Variants in CIT observed in about 807,000 individuals in gnomAD.
CIT encodes the protein citron Rho-interacting kinase.
In CIT, 79 loss-of-function variants were observed where a neutral mutation model predicts 272.7. The observed-to-expected ratio is 0.29, with a 90% CI of 0.24 to 0.35. The LOEUF (loss-of-function observed/expected upper bound fraction) is 0.35. Ranked by LOEUF, CIT falls within the 10% of genes least tolerant of loss-of-function variation. The pLI is 1.00. For missense variants in CIT, 1,909 were observed against 2,618.3 expected, an observed-to-expected ratio of 0.73 and a Z score of 5.91; for synonymous variants, 948 against 995.6, an observed-to-expected ratio of 0.95 and a Z score of 0.90.
At chr12:119,740,380 A>C (rs1958999422) in intron 24 of CIT, among the ~76,000 whole-genome samples, 1 of 152,188 alleles carries the variant, frequency 6.6e-6, no homozygotes, top group African/African-American at 2.4e-5. Flanking sequence ...AATACAATAA[A>C]TATTTTGTTT....
At chr12:119,844,021 C>CTTT (rs113598683) in intron 5 of CIT, among the ~76,000 whole-genome samples, 1 of 134,658 alleles carries the variant, frequency 7.4e-6, no homozygotes, top group Non-Finnish European at 1.6e-5. Context: ...GGTACACACA[C>CTTT]TTTTTTTTTT....
intron 5 of CIT, among the ~76,000 whole-genome samples, chr12:119,834,691 C>T (rs1968875284): frequency 6.6e-6 from 1 of 152,220 alleles, no homozygotes; most frequent in Admixed American, 6.5e-5. Context: ...AGGCAACTGA[C>T]AGCCTCTATT....
In CIT at chr12:119,757,459, C is replaced by T. The variant is rs757634863; in HGVS notation, c.2618G>A (p.Arg873Gln). Residue 873 changes from arginine (R) to glutamine (Q), a missense_variant, in exon 22 of 48, where the codon CGA becomes CAA. Physicochemically the swap from Arg to Gln is conservative, Grantham distance 43 (BLOSUM62 1). Around this residue, in one of 8 missense-constraint regions of CIT, gnomAD observed 530 missense variants for 822.4 expected, o/e 0.64. Transcript: ENST00000392521. ...TQAGKLEAQN[R>Q]KLEEQLEKIS... Reference sequence around the variant, plus strand: ...CTTCTCCAGCTGCTCCTCCAGTTTTCGGTTCTGGGCCTCCAACTTCCCAGC... The same window carrying T: ...CTTCTCCAGCTGCTCCTCCAGTTTTTGGTTCTGGGCCTCCAACTTCCCAGC... 6.2e-6 allele frequency: 10 copies of T among 1,614,168 alleles called. 1 individual carries two copies. Among genetic ancestry groups the T allele is most frequent in the South Asian group, 3.3e-5 (3 of 91,070 alleles).
chr12:119,787,418 A>C (rs1964887757), intron 10 of CIT, among the ~76,000 whole-genome samples: 1 of 139,414 alleles, frequency 7.2e-6, no homozygotes, highest in Non-Finnish European at 1.5e-5. Context: ...GTAACACAGC[A>C]AGACCTTGTC....
At chr12:119,773,031 A>T in intron 16 of CIT, 121 bp from the exon 17 acceptor site, 1 of 932,922 alleles carries the variant, frequency 1.1e-6, no homozygotes, top group Non-Finnish European at 1.5e-6. Flanking sequence ...AAAAAAAAAA[A>T]GATAGTGACA....
intron 9 of CIT, among the ~76,000 whole-genome samples, chr12:119,818,408 C>T (rs577182874): frequency 1.3e-5 from 2 of 152,296 alleles, no homozygotes; most frequent in Admixed American, 6.5e-5. Flanking sequence ...AATCCCTATC[C>T]CCCAAACCAA....
At chr12:119,868,398 C>CG (rs1797078966) in intron 3 of CIT, among the ~76,000 whole-genome samples, 1 of 151,882 alleles carries the variant, frequency 6.6e-6, no homozygotes, top group African/African-American at 2.4e-5. Context: ...TCCTAAGCAC[C>CG]GTGCCTACTC....
At chr12:119,779,035 C>T (rs1186886400) in intron 13 of CIT, among the ~76,000 whole-genome samples, 2 of 152,100 alleles carry the variant, frequency 1.3e-5, no homozygotes, top group Non-Finnish European at 2.9e-5. Flanking sequence ...GCCTGGCCAA[C>T]ATAGTGAAAC....
intron 2 of CIT, among the ~76,000 whole-genome samples, chr12:119,872,412 C>G (rs951998393): frequency 2.6e-5 from 4 of 152,084 alleles, no homozygotes; most frequent in Non-Finnish European, 5.9e-5. Context: ...GAATGGAAAA[C>G]AAAATTGCTA....
chr12:119,717,904 C>G (rs963320265), intron 32 of CIT, among the ~76,000 whole-genome samples: 10 of 132,238 alleles, frequency 7.6e-5, no homozygotes, highest in African/African-American at 2.9e-4. Context: ...TGCAATGGCG[C>G]AATCTCGGCT....
At chr12:119,724,866 G>A (rs1593485824) in intron 28 of CIT, among the ~76,000 whole-genome samples, 1 of 141,320 alleles carries the variant, frequency 7.1e-6, no homozygotes, top group Admixed American at 7.9e-5. Flanking sequence ...AACCCGGGAG[G>A]CAGAGCTTGC....
Position 119,785,073 on chromosome 12 carries a change from G to A in CIT, c.1296-8C>T, listed in dbSNP as rs758475853. The A allele has an allele frequency of 1.9e-6, 3 of 1,612,860 alleles. No homozygotes were observed. Among genetic ancestry groups the A allele is most frequent in the South Asian group, 2.2e-5 (2 of 90,778 alleles). On this transcript the variant is annotated splice_region_variant and splice_polypyrimidine_tract_variant and intron_variant, in intron 10 of 47. Coordinates refer to ENST00000392521, the MANE Select transcript of CIT (RefSeq NM_001206999.2). ...AGACCCGACACAACAGACCTAGGTA[G>A]AGAAAAACCAACGTCAAGGGGGCCT...
chr12:119,705,416 T>C (rs1470310375), intron 40 of CIT, among the ~76,000 whole-genome samples: 2 of 151,900 alleles, frequency 1.3e-5, no homozygotes, highest in East Asian at 3.9e-4. Context: ...GCTGGTACAG[T>C]GGGAGAATGA....
Position 119,834,101 on chromosome 12 carries a change from A to C in CIT, c.644T>G (p.Met215Arg), listed in dbSNP as rs1968834418. The change falls in exon 6 of 48, where the codon ATG becomes AGG. Residue 215 changes from methionine to arginine, a missense_variant. This residue lies in a region of CIT where 529 missense variants were observed against 549.6 expected (regional missense o/e 0.96). Transcript: ENST00000392521. ...TCTCACTTACCGATGCACGTATCCC[A>C]TCAGATGAACGCTGTGAACAGCCAA... ...LILAVHSVHL[M>R]GYVHRDIKPE... 6.2e-7 allele frequency: 1 copy of C among 1,612,556 alleles called. No homozygotes were observed. The highest frequency in any genetic ancestry group is 8.5e-7 in the Non-Finnish European group (1 of 1,179,644).
rs546520444 is a variant in CIT, at chr12:119,717,834, C to CTTTTTTTTTTTTTTTTT, written c.4168+410_4168+411insAAAAAAAAAAAAAAAAA. ...GGATGGGGAGCCAGGAGACTGACTT[C>CTTTTTTTTTTTTTTTTT]TTTCTTTTTTTTTTTTTTTTTTTTG... On this transcript the variant is annotated intron_variant, in intron 32 of 47. Coordinates refer to ENST00000392521, the MANE Select transcript of CIT (RefSeq NM_001206999.2). Among the ~76,000 whole-genome samples the CTTTTTTTTTTTTTTTTT allele has an allele frequency of 1.1e-3, 78 of 70,190 alleles. 2 individuals carry two copies. Among genetic ancestry groups the CTTTTTTTTTTTTTTTTT allele is most frequent in the African/African-American group, 2.7e-3 (55 of 20,096 alleles). 46.0% of individuals were successfully genotyped at this position (70,190 alleles called of 152,430 possible). A position where few individuals can be genotyped will look rare whatever the true frequency, so the allele number is the denominator to read the frequency against.
At chr12:119,719,858 C>G (rs980933802) in intron 30 of CIT, among the ~76,000 whole-genome samples, 1 of 152,196 alleles carries the variant, frequency 6.6e-6, no homozygotes, top group Non-Finnish European at 1.5e-5. Context: ...ATAGATCAGG[C>G]TTATGAAAAA....
At chr12:119,865,845 G>A (rs1300605433) in intron 3 of CIT, among the ~76,000 whole-genome samples, 2 of 133,448 alleles carry the variant, frequency 1.5e-5, no homozygotes, top group African/African-American at 5.8e-5. Flanking sequence ...ACTCCAGCCT[G>A]GACAACAGAG....
At chr12:119,788,934 G>A (rs1402058373) in intron 10 of CIT, among the ~76,000 whole-genome samples, 1 of 152,152 alleles carries the variant, frequency 6.6e-6, no homozygotes, top group Non-Finnish European at 1.5e-5. Flanking sequence ...AAAAAAGCTA[G>A]AGTAAGAATG....
At chr12:119,698,203 T>G (rs530583201) in intron 44 of CIT, 149 bp from the exon 45 acceptor site, 25 of 700,888 alleles carry the variant, frequency 3.6e-5, no homozygotes, top group Non-Finnish European at 6.0e-5. Context: ...AGAACAGTCA[T>G]GCATGTTCGA....
Sources: gnomAD v4.1 joint callset for allele counts (sites outside exome capture counted in the v4.1 genomes callset) on GRCh38, gnomAD v4.1.1 for gene constraint, gnomAD v4.1.1 regional missense constraint, MANE v1.5 for transcripts, NCBI Gene and HGNC (gene_info 2026-07-23, HGNC 2026-07-21) for gene names.